Variants in JADE3 observed in about 807,000 individuals in gnomAD.
JADE3 encodes protein Jade-3.
JADE3 carries 2 observed loss-of-function variants against 50.1 expected under a neutral mutation model. The observed-to-expected ratio is 0.04, with a 90% CI of 0.02 to 0.13. JADE3 has a LOEUF of 0.13. Ranked by LOEUF, JADE3 falls within the 10% of genes least tolerant of loss-of-function variation. JADE3 has a pLI of 1.00. For missense variants in JADE3, 475 were observed against 634.4 expected (o/e 0.75, Z 2.70); for synonymous variants, 218 against 232.9 (o/e 0.94, Z 0.58).
Position 46,930,785 on chromosome X carries a change from C to T in JADE3, c.-12+18066C>T, listed in dbSNP as rs782391926. ...GCCCTATGACAGACAGTTCATTACA[C>T]CCCACCTCAGCTCCATGTTGCGTCC... On this transcript the variant is annotated intron_variant, in intron 1 of 10. Transcript: ENST00000614628. Among the ~76,000 whole-genome samples the T allele has an allele frequency of 5.4e-5, 6 of 111,533 alleles. No homozygotes were observed. In the South Asian group the frequency reaches 1.1e-3, roughly 21 times the overall value.
chrX:46,985,964 G>T (rs1556354468), intron 3 of JADE3, among the ~76,000 whole-genome samples, 172 bp downstream of exon 3: 1 of 111,231 alleles, frequency 9.0e-6, no homozygotes, highest in East Asian at 2.8e-4. Context: ...GAGCAGGGGG[G>T]TAAGTGAGTT....
In JADE3 at chrX:47,027,899, G is replaced by A; in HGVS notation, c.483G>A (p.Gly161=). ...LNEDLAEMGC[G]PVDENLMEKT... is the part of the protein sequence containing the mutation. ...GTTTGTATTTCTGTGCAGGTTGTGG[G>A]CCAGTTGATGAGAATCTTATGGAAA... Residue 161 remains glycine (G), a synonymous_variant, in exon 6 of 11, where the codon GGG becomes GGA. Coordinates refer to ENST00000614628, the MANE Select transcript of JADE3 (RefSeq NM_014735.5). The A allele has an allele frequency of 8.3e-7, 1 of 1,208,425 alleles. No homozygotes were observed. Among genetic ancestry groups the A allele is most frequent in the South Asian group, 1.8e-5 (1 of 56,845 alleles).
At chrX:47,052,543 A>G (rs1189763821) in intron 8 of JADE3, among the ~76,000 whole-genome samples, 4 of 101,865 alleles carry the variant, frequency 3.9e-5, no homozygotes, top group Non-Finnish European at 7.9e-5. Context: ...CTGAGGCAGG[A>G]GAATCACTTG....
Position 46,979,627 on chromosome X carries a change from C to T in JADE3, c.-11-5257C>T, listed in dbSNP as rs782012674. 1.9e-4 allele frequency among the ~76,000 whole-genome samples: 21 copies of T among 111,091 alleles called. No individual in the cohort carries two copies. The South Asian group carries it at 3.4e-3, about 18-fold the overall frequency. Reference sequence around the variant, plus strand: ...CATATTTAATTTTTAAAGAAATGACCGAAATATTTTCTAGAATAGCTATAC... The same window carrying T: ...CATATTTAATTTTTAAAGAAATGACTGAAATATTTTCTAGAATAGCTATAC... On this transcript the variant is annotated intron_variant, in intron 1 of 10. Transcript: ENST00000614628.
In JADE3 at chrX:47,059,192, A is replaced by G. The variant is rs1556374369; in HGVS notation, c.*115A>G. The G allele has an allele frequency of 3.8e-6, 2 of 526,973 alleles. No individual in the cohort carries two copies. The highest frequency in any genetic ancestry group is 4.7e-5 in the African/African-American group (2 of 42,561). The allele number at this position is 526,973 out of a possible 1,213,427, so 43.4% of individuals were successfully genotyped here. A position where few individuals can be genotyped will look rare whatever the true frequency, so the allele number is the denominator to read the frequency against. On this transcript the variant is annotated 3_prime_UTR_variant, in exon 11 of 11. Transcript: ENST00000614628. ...GAGGAATTGCAGTGAAAAGGATAAC[A>G]TTTTTCCATAGTAAATTGTCTTGCA...
intron 3 of JADE3, among the ~76,000 whole-genome samples, chrX:46,989,473 T>C (rs1927934994): frequency 8.9e-6 from 1 of 111,948 alleles, no homozygotes; most frequent in Admixed American, 9.5e-5. Flanking sequence ...TCACTTGATA[T>C]AGAATTCTGG....
chrX:46,938,031 A>G (rs1305804231), intron 1 of JADE3, among the ~76,000 whole-genome samples: 2 of 111,654 alleles, frequency 1.8e-5, no homozygotes, highest in African/African-American at 6.5e-5. Flanking sequence ...TTTGCATCAC[A>G]TATCTTTTTC....
chrX:47,041,189 C>G (rs1569538491), intron 8 of JADE3, among the ~76,000 whole-genome samples: 1 of 111,171 alleles, frequency 9.0e-6, no homozygotes. Context: ...AAGTAGAGAG[C>G]CTGCCCATTG....
chrX:47,043,587 A>G (rs1465818268), intron 8 of JADE3, among the ~76,000 whole-genome samples: 1 of 111,802 alleles, frequency 8.9e-6, no homozygotes, highest in Non-Finnish European at 1.9e-5. Context: ...TGGGAGGCCA[A>G]GGCGGGTGGA....
At chrX:47,035,040 G>A (rs1216738915) in intron 7 of JADE3, among the ~76,000 whole-genome samples, 1 of 111,085 alleles carries the variant, frequency 9.0e-6, no homozygotes, top group Non-Finnish European at 1.9e-5. Flanking sequence ...TATTTCCTGA[G>A]TGGCTACATG....
chrX:46,953,744 T>C (rs1183700489), intron 1 of JADE3, among the ~76,000 whole-genome samples: 2 of 112,189 alleles, frequency 1.8e-5, no homozygotes, highest in Non-Finnish European at 3.8e-5. Flanking sequence ...ACCACTTCTC[T>C]AAAGGCATAT....
chrX:47,025,231 G>A (rs1255159224), intron 5 of JADE3, among the ~76,000 whole-genome samples: 8 of 112,027 alleles, frequency 7.1e-5, no homozygotes, highest in African/African-American at 2.6e-4. Context: ...ATTGGCCATA[G>A]CTGATTGGAC....
intron 7 of JADE3, among the ~76,000 whole-genome samples, chrX:47,034,513 G>A (rs1929090843): frequency 9.0e-6 from 1 of 111,565 alleles, no homozygotes; most frequent in African/African-American, 3.3e-5. Context: ...GGGCATTTGG[G>A]TTGTTTACAG....
rs111555362 is a variant in JADE3 at position 47,011,948 on chromosome X, C to T, written c.285-12776C>T. Among the ~76,000 whole-genome samples, 427 of 111,711 alleles carry T rather than the reference C, an allele frequency of 3.8e-3. 2 individuals carry two copies. The highest frequency in any genetic ancestry group is 9.3e-3 in the Middle Eastern group (2 of 215). ...TGCTGTTCACACAGCCAGAATGAGT[C>T]GTCTTAAGTCCCATCACATTCATTT... is the stretch of plus-strand genomic sequence containing the variant. On this transcript the variant is annotated intron_variant, in intron 4 of 10. Coordinates refer to ENST00000614628, the MANE Select transcript of JADE3 (RefSeq NM_014735.5).
Position 47,061,033 on chromosome X carries a change from C to T in JADE3, c.*1956C>T, listed in dbSNP as rs1929768615. On this transcript the variant is annotated 3_prime_UTR_variant, in exon 11 of 11. Transcript: ENST00000614628. ...AGTTGTAATATTTTTACAGGATATT[C>T]CTAGGTAAATGAAGGAGCCTTCAGT... The T allele has an allele frequency of 8.9e-6, 1 of 111,838 alleles. No homozygotes were observed. Among genetic ancestry groups the T allele is most frequent in the African/African-American group, 3.3e-5 (1 of 30,684 alleles). The allele number at this position is 111,838 out of a possible 1,213,427, so 9.2% of individuals were successfully genotyped here.
intron 9 of JADE3, among the ~76,000 whole-genome samples, chrX:47,054,946 G>A (rs1221842567): frequency 2.7e-5 from 3 of 111,664 alleles, no homozygotes; most frequent in African/African-American, 9.8e-5. Flanking sequence ...TGAGACTTTA[G>A]GCTGAAGAAA....
chrX:46,971,937 G>A (rs1158319628), intron 1 of JADE3, among the ~76,000 whole-genome samples: 1 of 110,011 alleles, frequency 9.1e-6, no homozygotes, highest in Middle Eastern at 4.2e-3. Flanking sequence ...TAGGGATTGG[G>A]GTGGGGAGTG....
At chrX:47,028,183 G>A in intron 6 of JADE3, 80 bp downstream of exon 6, 1 of 654,877 alleles carries the variant, frequency 1.5e-6, no homozygotes, top group Non-Finnish European at 2.4e-6. Context: ...CGCATATCTG[G>A]GTAGCAGCTT....
At chrX:46,932,913 T>C (rs1375091119) in intron 1 of JADE3, among the ~76,000 whole-genome samples, 1 of 111,756 alleles carries the variant, frequency 8.9e-6, no homozygotes, top group Non-Finnish European at 1.9e-5. Flanking sequence ...GCAAACAGAC[T>C]CACAGGGTCT....
Sources: allele counts gnomAD v4.1 joint callset (sites outside exome capture counted in the v4.1 genomes callset), GRCh38; gene constraint gnomAD v4.1.1; transcripts MANE v1.5; gene names NCBI Gene and HGNC (gene_info 2026-07-23, HGNC 2026-07-21).